RPRD2: variants seen among roughly 807,000 people sequenced by gnomAD.
RPRD2 encodes the protein regulation of nuclear pre-mRNA domain containing 2.
Under a neutral mutation model 104.4 loss-of-function variants are expected in RPRD2, and 12 were observed. The ratio of observed to expected loss-of-function variants is 0.11; its 90% CI spans 0.07 to 0.19. The LOEUF (loss-of-function observed/expected upper bound fraction) is 0.19. RPRD2 is among the 10% of genes least tolerant of loss of function. The pLI, the probability that RPRD2 is intolerant of heterozygous loss-of-function variation, is 1.00. For missense variants in RPRD2, 1,543 were observed against 1,790.1 expected, an observed-to-expected ratio of 0.86 and a Z score of 2.49; for synonymous variants, 714 against 684.9, an observed-to-expected ratio of 1.04 and a Z score of -0.66.
intron 6 of RPRD2, among the ~76,000 whole-genome samples, chr1:150,445,037 C>T (rs1553895294): frequency 6.6e-6 from 1 of 152,000 alleles, no homozygotes; most frequent in Non-Finnish European, 1.5e-5. Flanking sequence ...AAAATTAAAA[C>T]ATTAATGAGC....
intron 7 of RPRD2, among the ~76,000 whole-genome samples, chr1:150,452,102 A>G (rs1235940467): frequency 2.0e-5 from 3 of 148,484 alleles, no homozygotes; most frequent in Admixed American, 1.4e-4. Context: ...AGATCACACC[A>G]TTGCACTCCA....
chr1:150,475,543 G>A lies in RPRD2; in HGVS notation c.*2209G>A, dbSNP rs6587754. ...AAGACTTTGTTGGACAGTTTCGAAG[G>A]TGGGCTTTTAAGGAGTTGGGTTTTT... On this transcript the variant is annotated 3_prime_UTR_variant, in exon 11 of 11. Coordinates refer to ENST00000369068, the MANE Select transcript of RPRD2 (RefSeq NM_015203.5). 152,023 of 152,720 alleles carry A rather than the reference G, an allele frequency of 1. 75,672 individuals are homozygous for A. Among genetic ancestry groups the A allele is most frequent in the East Asian group, 1 (5,186 of 5,186 alleles). 9.5% of individuals were successfully genotyped at this position (152,720 alleles called of 1,614,324 possible).
At chr1:150,463,050 C>G (rs1668041809) in intron 9 of RPRD2, among the ~76,000 whole-genome samples, 1 of 152,124 alleles carries the variant, frequency 6.6e-6, no homozygotes, top group Non-Finnish European at 1.5e-5. Flanking sequence ...GAGACAGTGT[C>G]TTACTATGTT....
intron 1 of RPRD2, among the ~76,000 whole-genome samples, chr1:150,369,665 T>C (rs1269782510): frequency 7.2e-6 from 1 of 138,708 alleles, no homozygotes; most frequent in African/African-American, 2.7e-5. Flanking sequence ...GAGACGGGGT[T>C]TCACCGTGGT....
intron 7 of RPRD2, among the ~76,000 whole-genome samples, chr1:150,447,925 TC>T (rs1215170939): frequency 6.6e-6 from 1 of 152,192 alleles, no homozygotes; most frequent in Non-Finnish European, 1.5e-5. Flanking sequence ...GCTGTTAACT[TC>T]CTGATATGAC....
intron 2 of RPRD2, among the ~76,000 whole-genome samples, chr1:150,419,782 A>C (rs1664627014): frequency 6.6e-6 from 1 of 152,164 alleles, no homozygotes; most frequent in South Asian, 2.1e-4. Context: ...GGCATGCGCC[A>C]CCACGCCCAG....
At chr1:150,424,591 TTTA>T (rs1664987959) in intron 2 of RPRD2, among the ~76,000 whole-genome samples, 1 of 152,088 alleles carries the variant, frequency 6.6e-6, no homozygotes, top group African/African-American at 2.4e-5. Flanking sequence ...CGGCCCAGAT[TTTA>T]TTATTTCTTT....
intron 1 of RPRD2, among the ~76,000 whole-genome samples, chr1:150,394,511 G>A (rs1393133656): frequency 2.0e-5 from 3 of 152,140 alleles, no homozygotes; most frequent in Non-Finnish European, 2.9e-5. Context: ...GAGCTGATGC[G>A]GCAAGATATT....
chr1:150,383,306 G>GTTTTTTT, intron 1 of RPRD2, among the ~76,000 whole-genome samples: 1 of 126,740 alleles, frequency 7.9e-6, no homozygotes, highest in Non-Finnish European at 1.6e-5. Flanking sequence ...CAAATAAGAG[G>GTTTTTTT]TTTTTTTTTT....
intron 1 of RPRD2, among the ~76,000 whole-genome samples, chr1:150,365,810 C>T (rs1479821601): frequency 3.3e-5 from 5 of 152,064 alleles, no homozygotes; most frequent in African/African-American, 4.8e-5. Context: ...TGGCTGGTCT[C>T]GAACTCCCGA....
intron 1 of RPRD2, among the ~76,000 whole-genome samples, chr1:150,402,507 C>T (rs1260387765): frequency 6.6e-6 from 1 of 151,582 alleles, no homozygotes; most frequent in Non-Finnish European, 1.5e-5. Flanking sequence ...GTGAGACCTT[C>T]TCTCTACACA....
At chr1:150,399,006 A>C (rs1214872330) in intron 1 of RPRD2, among the ~76,000 whole-genome samples, 1 of 151,854 alleles carries the variant, frequency 6.6e-6, no homozygotes, top group Non-Finnish European at 1.5e-5. Flanking sequence ...ATTTATTTTA[A>C]TTAGTTTATT....
chr1:150,437,414 C>T, intron 2 of RPRD2, among the ~76,000 whole-genome samples: 1 of 152,074 alleles, frequency 6.6e-6, no homozygotes, highest in Non-Finnish European at 1.5e-5. Context: ...AAGGCAAGAC[C>T]CTCCACCAGC....
At chr1:150,366,841 C>T (rs1659878457) in intron 1 of RPRD2, among the ~76,000 whole-genome samples, 1 of 152,172 alleles carries the variant, frequency 6.6e-6, no homozygotes, top group Non-Finnish European at 1.5e-5. Context: ...CATTTCCTCA[C>T]CTTGGGCTCT....
At chr1:150,437,044 A>G (rs782378638) in intron 2 of RPRD2, among the ~76,000 whole-genome samples, 32 of 152,168 alleles carry the variant, frequency 2.1e-4, no homozygotes, top group Non-Finnish European at 4.0e-4. Flanking sequence ...AGTCTCTATT[A>G]TTAAAAAAAG....
intron 1 of RPRD2, among the ~76,000 whole-genome samples, chr1:150,414,661 A>AT (rs1340236030): frequency 4.7e-5 from 5 of 106,470 alleles, no homozygotes; most frequent in African/African-American, 6.8e-5. Context: ...AAGAAATAAC[A>AT]TTAAAAAAAA....
intron 1 of RPRD2, among the ~76,000 whole-genome samples, chr1:150,386,917 T>G (rs1391337744): frequency 6.6e-6 from 1 of 152,224 alleles, no homozygotes; most frequent in Non-Finnish European, 1.5e-5. Flanking sequence ...TTTTTATGAT[T>G]GTTTACATTA....
Position 150,398,549 on chromosome 1 carries a change from C to G in RPRD2, c.206-19047C>G, listed in dbSNP as rs587727221. 4.8e-4 allele frequency among the ~76,000 whole-genome samples: 72 copies of G among 149,338 alleles called. 2 individuals are homozygous for G. The highest frequency in any genetic ancestry group is 1.4e-3 in the Admixed American group (21 of 14,742). ...CTTTCCTTCCTTCCTTTCCCTTTCC[C>G]TTTCCCTTTTTTCTGACAGAGTCTC... On this transcript the variant is annotated intron_variant, in intron 1 of 10. Coordinates refer to ENST00000369068, the MANE Select transcript of RPRD2 (RefSeq NM_015203.5).
chr1:150,418,435 C>G (rs1239005536), intron 2 of RPRD2, among the ~76,000 whole-genome samples: 1 of 152,086 alleles, frequency 6.6e-6, no homozygotes, highest in Non-Finnish European at 1.5e-5. Context: ...CTTTCTGAGT[C>G]TTACTGAAAT....
Sources: allele counts gnomAD v4.1 joint callset (sites outside exome capture counted in the v4.1 genomes callset), GRCh38; gene constraint gnomAD v4.1.1; transcripts MANE v1.5; gene names NCBI Gene and HGNC (gene_info 2026-07-23, HGNC 2026-07-21).